TMEM200C: variants seen among roughly 807,000 people sequenced by gnomAD.
The protein encoded by TMEM200C is transmembrane protein TTMA.
For missense variants in TMEM200C, 966 were observed against 699.9 expected (o/e 1.38, Z -4.29); for synonymous variants, 462 against 324.7 (o/e 1.42, Z -4.55).
exon 3 of TMEM200C, chr18:5,887,581 C>T (rs2095166309): frequency 6.6e-6 from 1 of 152,178 alleles, no homozygotes; most frequent in Non-Finnish European, 1.5e-5. Context: ...AGCTGTGTAA[C>T]CCTGGACAAC....
chr18:5,890,592 C>G (rs1394915475), exon 3 of TMEM200C: 2 of 1,226,524 alleles, frequency 1.6e-6, no homozygotes, highest in Non-Finnish European at 1.0e-6. Context: ...GTCCGCACTC[C>G]CCGGGGAGGG....
Position 5,891,275 on chromosome 18 carries a change from G to A in TMEM200C, c.789C>T (p.Pro263=), listed in dbSNP as rs2095170631. The change falls in exon 3 of 3, where the codon CCC becomes CCT. Residue 263 remains proline (P), a synonymous_variant. Transcript: ENST00000581347. This position sits in a 1 kb window ranked among gnomAD's most constrained non-coding sequence, Gnocchi z 4.7. ...CGTCCCCGGAGCCACCGCAGCCCCCGGGCTTCAGCTCCAGGCCCCGCGACT... is the reference window on the plus strand; with the variant it reads ...CGTCCCCGGAGCCACCGCAGCCCCCAGGCTTCAGCTCCAGGCCCCGCGACT... 4 of 1,410,358 alleles carry A rather than the reference G, an allele frequency of 2.8e-6. No individual in the cohort carries two copies. Among genetic ancestry groups the A allele is most frequent in the East Asian group, 6.4e-5 (2 of 31,280 alleles). The allele number at this position is 1,410,358 out of a possible 1,614,324, so 87.4% of individuals were successfully genotyped here.
exon 3 of TMEM200C, chr18:5,886,713 ATAAT>A (rs2095165607): frequency 6.6e-6 from 1 of 152,154 alleles, no homozygotes; most frequent in Admixed American, 6.5e-5. Context: ...CCTCATTTAA[ATAAT>A]TAATTCTATG....
chr18:5,885,907 A>C (rs1303571419), exon 3 of TMEM200C: 1 of 152,178 alleles, frequency 6.6e-6, no homozygotes, highest in Non-Finnish European at 1.5e-5. Context: ...AATAGCAATA[A>C]AAATTTTAAA....
chr18:5,890,081 G>A, exon 3 of TMEM200C: 2 of 913,286 alleles, frequency 2.2e-6, no homozygotes, highest in Non-Finnish European at 3.0e-6. Context: ...CAGCTCTTTG[G>A]ATATTGAATG....
chr18:5,890,680 C>T (rs896400866), exon 3 of TMEM200C: 2 of 539,786 alleles, frequency 3.7e-6, no homozygotes, highest in Non-Finnish European at 5.7e-6. Flanking sequence ...GCGTACCTGC[C>T]GGTCCTGGGC....
At position 5,892,053 on chromosome 18, in the gene TMEM200C, G is replaced by A. The variant is rs1449638029; in HGVS notation, c.11C>T (p.Thr4Ile). ...GGCGGAAATCCTTAGCAGGCCGCCG[G>A]TGGCGATCATGGCGAGCTCCTGGAG... is the stretch of plus-strand genomic sequence containing the variant. The change falls in exon 3 of 3, where the codon ACC becomes ATC. Residue 4 changes from threonine (T) to isoleucine (I), a missense_variant. Coordinates refer to ENST00000581347, the Ensembl canonical transcript of TMEM200C. 1.9e-6 allele frequency: 3 copies of A among 1,612,864 alleles called. No homozygotes were observed. The East Asian group carries it at 6.7e-5, about 36-fold the overall frequency.
Position 5,891,391 on chromosome 18 carries a change from C to A in TMEM200C, c.673G>T (p.Ala225Ser). The stretch of plus-strand genomic sequence containing the variant: ...GACGAAGAGGCGGCGGCGGCCGCGG[C>A]GGCGGCCGCGGCGGCCGCCAGGTCT... The change falls in exon 3 of 3, where the codon GCC becomes TCC. Residue 225 changes from alanine (A) to serine (S), a missense_variant. Ala to Ser is a moderately conservative substitution (Grantham distance 99). Coordinates refer to ENST00000581347, the Ensembl canonical transcript of TMEM200C. The surrounding 1 kb of genome is among the most constrained non-coding windows in gnomAD (Gnocchi z 4.7). The A allele has an allele frequency of 1.5e-6, 2 of 1,344,026 alleles. No individual in the cohort carries two copies. Among genetic ancestry groups the A allele is most frequent in the South Asian group, 2.1e-5 (1 of 47,522 alleles). 83.3% of individuals were successfully genotyped at this position (1,344,026 alleles called of 1,614,324 possible).
At chr18:5,894,107 A>G (rs142366318) in intron 2 of TMEM200C, among the ~76,000 whole-genome samples, 137 of 152,296 alleles carry the variant, frequency 9.0e-4, no homozygotes, top group Non-Finnish European at 1.5e-3. Flanking sequence ...CTCAGTTGGC[A>G]GGGTGGCTCT....
chr18:5,886,463 G>A (rs1168448965), exon 3 of TMEM200C: 1 of 152,126 alleles, frequency 6.6e-6, no homozygotes, highest in Non-Finnish European at 1.5e-5. Context: ...GTTCTACCAG[G>A]AGGCATTGCA....
rs1214112443 is a variant in TMEM200C, at chr18:5,891,038, G to A, written c.1026C>T (p.Thr342=). The change falls in exon 3 of 3, where the codon ACC becomes ACT. Residue 342 remains threonine (T), a synonymous_variant. Transcript: ENST00000581347. The surrounding 1 kb of genome is among the most constrained non-coding windows in gnomAD (Gnocchi z 4.7). ...TGCAGCTGCTAGCGGCTGCGGCGGC[G>A]GTGGCAGCGGCGGCCCGGCGACTGC... 3 of 552,280 alleles carry A rather than the reference G, an allele frequency of 5.4e-6. No individual in the cohort carries two copies. The highest frequency in any genetic ancestry group is 2.0e-5 in the African/African-American group (1 of 49,560). 34.2% of individuals were successfully genotyped at this position (552,280 alleles called of 1,614,324 possible). A position where few individuals can be genotyped will look rare whatever the true frequency, so the allele number is the denominator to read the frequency against.
exon 3 of TMEM200C, chr18:5,890,355 G>A: frequency 6.3e-7 from 1 of 1,596,694 alleles, no homozygotes. Context: ...GCTCTGCTCC[G>A]CACCCAGAAC....
exon 3 of TMEM200C, chr18:5,890,563 C>T (rs2095169308): frequency 1.4e-6 from 2 of 1,403,810 alleles, no homozygotes; most frequent in Non-Finnish European, 1.9e-6. Flanking sequence ...GCGGCCTTGG[C>T]CAGAGGGCTG....
chr18:5,892,306 G>C, intron 2 of TMEM200C, 149 bp from the exon 2 acceptor site: 1 of 569,550 alleles, frequency 1.8e-6, no homozygotes, highest in East Asian at 2.9e-5. Flanking sequence ...GTGTACAGAG[G>C]CTGGAGCCAG....
At chr18:5,892,883 C>A (rs562937330) in intron 2 of TMEM200C, among the ~76,000 whole-genome samples, 1 of 152,204 alleles carries the variant, frequency 6.6e-6, no homozygotes, top group African/African-American at 2.4e-5. Context: ...CAGCTATGTG[C>A]AGGCAGATCC....
At chr18:5,887,328 C>T (rs2095166133) in exon 3 of TMEM200C, 1 of 152,106 alleles carries the variant, frequency 6.6e-6, no homozygotes, top group African/African-American at 2.4e-5. Context: ...CCTGAAAAGT[C>T]ACTTACAAAA....
chr18:5,893,164 A>T (rs559537588), intron 2 of TMEM200C, among the ~76,000 whole-genome samples: 1 of 152,342 alleles, frequency 6.6e-6, no homozygotes, highest in African/African-American at 2.4e-5. Context: ...CTGACCCCTT[A>T]TTAAGGTGCC....
At chr18:5,889,051 AT>A (rs2074966303) in exon 3 of TMEM200C, 1 of 152,256 alleles carries the variant, frequency 6.6e-6, no homozygotes. Flanking sequence ...CTACCAAATT[AT>A]TAAAACATTA....
chr18:5,890,561 G>C (rs747142893), exon 3 of TMEM200C: 46 of 1,408,406 alleles, frequency 3.3e-5, no homozygotes, highest in Non-Finnish European at 5.6e-6. Flanking sequence ...AGGCGGCCTT[G>C]GCCAGAGGGC....
Sources: gnomAD v4.1 joint callset for allele counts (sites outside exome capture counted in the v4.1 genomes callset) on GRCh38, gnomAD v4.1.1 for gene constraint, Gnocchi (gnomAD v3.1) non-coding constraint, MANE v1.5 for transcripts, NCBI Gene and HGNC (gene_info 2026-07-23, HGNC 2026-07-21) for gene names.